The following DNAH17 variants were observed in gnomAD, a reference collection of about 807,000 sequenced individuals.
DNAH17 encodes the protein dynein axonemal heavy chain 17.
A neutral mutation model predicts 485.6 loss-of-function variants in DNAH17; 376 were observed. The ratio of observed to expected loss-of-function variants is 0.77; its 90% CI spans 0.71 to 0.84. DNAH17 has a LOEUF of 0.84. Ranked by LOEUF, DNAH17 falls within the 40% of genes least tolerant of loss-of-function variation. The pLI, the probability that DNAH17 is intolerant of heterozygous loss-of-function variation, is 0.00. For synonymous variants in DNAH17, 3,031 were observed against 2,405.9 expected, an observed-to-expected ratio of 1.26 and a Z score of -7.60; for missense variants, 6,370 against 5,839.3, an observed-to-expected ratio of 1.09 and a Z score of -2.96.
intron 25 of DNAH17, among the ~76,000 whole-genome samples, chr17:78,519,694 A>G (rs2090885720): frequency 6.6e-6 from 1 of 152,256 alleles, no homozygotes; most frequent in Non-Finnish European, 1.5e-5. Flanking sequence ...TAGAAGAAAT[A>G]AACCAATTCC....
At chr17:78,543,022 G>A (rs546569442) in intron 17 of DNAH17, among the ~76,000 whole-genome samples, 3 of 152,344 alleles carry the variant, frequency 2.0e-5, no homozygotes, top group Non-Finnish European at 4.4e-5. Flanking sequence ...TTAGCAGAGG[G>A]CAGGCCCATC....
At chr17:78,496,173 G>T in intron 37 of DNAH17, 141 bp from the exon 38 acceptor site, 1 of 988,786 alleles carries the variant, frequency 1.0e-6, no homozygotes, top group Non-Finnish European at 1.4e-6. Flanking sequence ...TTTAAATTAA[G>T]CCTTTTATTT....
In DNAH17 at chr17:78,450,679, G is replaced by T; in HGVS notation, c.10899+3C>A. The T allele has an allele frequency of 6.2e-7, 1 of 1,611,494 alleles. No individual in the cohort carries two copies. Among genetic ancestry groups the T allele is most frequent in the South Asian group, 1.1e-5 (1 of 90,808 alleles). Reference sequence around the variant, plus strand: ...CAGGGCACGTCACCGAGGCAGCTCTGACCTTCTCCTCGATCTCGCTGGCTG... The same window carrying T: ...CAGGGCACGTCACCGAGGCAGCTCTTACCTTCTCCTCGATCTCGCTGGCTG... On this transcript the variant is annotated splice_donor_region_variant and intron_variant, in intron 67 of 80. Coordinates refer to ENST00000389840, the MANE Select transcript of DNAH17 (RefSeq NM_173628.4).
Position 78,440,776 on chromosome 17 carries a change from G to A in DNAH17, c.11677+275C>T, listed in dbSNP as rs76183958. 4.3e-3 allele frequency among the ~76,000 whole-genome samples: 657 copies of A among 152,256 alleles called. 5 individuals carry two copies. The highest frequency in any genetic ancestry group is 0.015 in the African/African-American group (612 of 41,530). On this transcript the variant is annotated intron_variant, in intron 72 of 80. Transcript: ENST00000389840. ...CAGGCGTGGAATTGCTGGCTCTTGTGCCAATTCTATATGTAACTTACTGAG... is the reference window on the plus strand; with the variant it reads ...CAGGCGTGGAATTGCTGGCTCTTGTACCAATTCTATATGTAACTTACTGAG...
Position 78,553,305 on chromosome 17 carries a change from T to G in DNAH17, c.2179-500A>C, listed in dbSNP as rs543893518. Among the ~76,000 whole-genome samples, 228 of 78,974 alleles carry G rather than the reference T, an allele frequency of 2.9e-3. 6 individuals carry two copies. Among genetic ancestry groups the G allele is most frequent in the African/African-American group, 0.011 (218 of 19,516 alleles). The allele number at this position is 78,974 out of a possible 152,430, so 51.8% of individuals were successfully genotyped here. On this transcript the variant is annotated intron_variant, in intron 14 of 80. Transcript: ENST00000389840. The stretch of plus-strand genomic sequence containing the variant: ...TGTGTTTTTTTTTTTTTTTTTTTTT[T>G]TTTTTTTTTTTTTTAAGATGGAGTC...
intron 68 of DNAH17, 187 bp from the exon 69 acceptor site, chr17:78,449,771 G>C (rs897535918): frequency 1.7e-6 from 1 of 594,192 alleles, no homozygotes; most frequent in African/African-American, 1.9e-5. Context: ...TCTGCAGTGA[G>C]GGAGGTTGCA....
At chr17:78,559,747 T>C (rs1199524789) in intron 13 of DNAH17, among the ~76,000 whole-genome samples, 1 of 152,130 alleles carries the variant, frequency 6.6e-6, no homozygotes, top group African/African-American at 2.4e-5. Flanking sequence ...TCCAAGTCCC[T>C]CTGTGGTCCA....
chr17:78,564,474 A>T (rs1359438591), intron 11 of DNAH17, among the ~76,000 whole-genome samples: 1 of 143,016 alleles, frequency 7.0e-6, no homozygotes, highest in Non-Finnish European at 1.5e-5. Context: ...CCGCCCGCCC[A>T]GCCCATAAGC....
intron 11 of DNAH17, among the ~76,000 whole-genome samples, chr17:78,565,832 T>C (rs1276670909): frequency 6.6e-6 from 1 of 151,844 alleles, no homozygotes; most frequent in African/African-American, 2.4e-5. Flanking sequence ...TGCCTATAAT[T>C]CCAGCTACTA....
chr17:78,492,637 TTTCCA>T lies in DNAH17; in HGVS notation c.6532_6536del (p.Trp2178ArgfsTer17). On this transcript the variant is annotated frameshift_variant, in exon 42 of 81. Transcript: ENST00000389840. LOFTEE classifies it high-confidence loss of function. ...TCCCGGGACCACCCTCGTTACCATC[TTTCCA>T]TTCCCTGGTCACTGGGTTGATGATG... is the stretch of plus-strand genomic sequence containing the variant. The T allele has an allele frequency of 1.2e-6, 2 of 1,613,744 alleles. No individual in the cohort carries two copies. The highest frequency in any genetic ancestry group is 2.2e-5 in the South Asian group (2 of 91,064).
chr17:78,552,592 C>T (rs537535372), intron 15 of DNAH17, 105 bp downstream of exon 15: 3 of 687,426 alleles, frequency 4.4e-6, no homozygotes, highest in South Asian at 2.0e-5. Context: ...CAGATCCACA[C>T]AGCCAGGAGG....
chr17:78,480,844 C>T (rs1479464640), intron 48 of DNAH17, 58 bp from the exon 49 acceptor site: 1 of 1,224,794 alleles, frequency 8.2e-7, no homozygotes, highest in Non-Finnish European at 1.2e-6. Context: ...CCATCCCCTG[C>T]CCCCACTGTG....
intron 36 of DNAH17, chr17:78,499,975 C>T (rs761696268): frequency 1.2e-5 from 3 of 249,148 alleles, no homozygotes; most frequent in Non-Finnish European, 2.4e-5. Context: ...GTACCCCACC[C>T]CATGCTGAAC....
chr17:78,516,917 C>G (rs10048153), intron 25 of DNAH17, among the ~76,000 whole-genome samples: 2 of 152,022 alleles, frequency 1.3e-5, no homozygotes, highest in Non-Finnish European at 1.5e-5. Context: ...AAAGAAGAGA[C>G]AGAGCACGCT....
chr17:78,452,881 G>A (rs919931468), intron 65 of DNAH17, among the ~76,000 whole-genome samples: 15 of 152,214 alleles, frequency 9.9e-5, no homozygotes, highest in Admixed American at 2.6e-4. Context: ...TCAGGAGGGA[G>A]GGGAATGAAG....
chr17:78,527,399 C>A (rs1488312653), intron 22 of DNAH17, among the ~76,000 whole-genome samples: 1 of 151,954 alleles, frequency 6.6e-6, no homozygotes, highest in African/African-American at 2.4e-5. Context: ...AAAACAAAAA[C>A]AAAAACCAGC....
chr17:78,573,930 G>T (rs944812145), intron 2 of DNAH17, among the ~76,000 whole-genome samples: 1 of 152,094 alleles, frequency 6.6e-6, no homozygotes, highest in Non-Finnish European at 1.5e-5. Context: ...TCCCCAAAGT[G>T]TGTCCCCCCC....
Position 78,528,030 on chromosome 17 carries a change from C to T in DNAH17, c.3508-1034G>A, listed in dbSNP as rs562057721. Among the ~76,000 whole-genome samples, 8 of 152,114 alleles carry T rather than the reference C, an allele frequency of 5.3e-5. No individual in the cohort carries two copies. The South Asian group carries it at 8.3e-4, about 16-fold the overall frequency. ...CTTGGCTCAAGTAATCTGCCCGCCT[C>T]GGCCTCCCAAAGTGCTGAAATTACA... is the stretch of plus-strand genomic sequence containing the variant. On this transcript the variant is annotated intron_variant, in intron 22 of 80. Transcript: ENST00000389840.
chr17:78,503,095 A>G (rs1436148263), intron 31 of DNAH17, 84 bp from the exon 32 acceptor site: 8 of 1,472,450 alleles, frequency 5.4e-6, no homozygotes, highest in Non-Finnish European at 7.2e-6. Flanking sequence ...TGTTGTAAAG[A>G]AAAACATTTC....
Sources: allele counts gnomAD v4.1 joint callset (sites outside exome capture counted in the v4.1 genomes callset), GRCh38; gene constraint gnomAD v4.1.1; transcripts MANE v1.5; gene names NCBI Gene and HGNC (gene_info 2026-07-23, HGNC 2026-07-21).